The following CDK5RAP2 variants were observed in gnomAD, a reference collection of about 807,000 sequenced individuals.
The protein encoded by CDK5RAP2 is CDK5 regulatory subunit associated protein 2.
In CDK5RAP2, 147 loss-of-function variants were observed where a neutral mutation model predicts 232.9. The ratio of observed to expected loss-of-function variants is 0.63; its 90% CI spans 0.55 to 0.72. The LOEUF (loss-of-function observed/expected upper bound fraction) is 0.72, where lower values mean the gene tolerates loss of function less well. Ranked by LOEUF, CDK5RAP2 falls within the 30% of genes least tolerant of loss-of-function variation. CDK5RAP2 has a pLI of 0.00. For missense variants in CDK5RAP2, 2,195 were observed against 2,231.5 expected, an observed-to-expected ratio of 0.98 and a Z score of 0.33; for synonymous variants, 833 against 833.7, an observed-to-expected ratio of 1.00 and a Z score of 0.01.
intron 36 of CDK5RAP2, among the ~76,000 whole-genome samples, chr9:120,392,922 C>A (rs1014789102): frequency 2.6e-5 from 4 of 152,202 alleles, no homozygotes; most frequent in Admixed American, 2.6e-4. Context: ...TTGTAATACA[C>A]GCATGGACCC....
intron 5 of CDK5RAP2, among the ~76,000 whole-genome samples, chr9:120,540,629 G>C (rs530246845): frequency 4.6e-5 from 7 of 152,352 alleles, no homozygotes; most frequent in African/African-American, 1.7e-4. Context: ...GGGCTCTGAA[G>C]CTGGACAGAT....
intron 34 of CDK5RAP2, among the ~76,000 whole-genome samples, chr9:120,402,332 A>C (rs2033099317): frequency 6.6e-6 from 1 of 152,194 alleles, no homozygotes; most frequent in Non-Finnish European, 1.5e-5. Context: ...CAAAACCTCA[A>C]CAAAAACAAA....
At chr9:120,457,541 G>T (rs2036848937) in intron 20 of CDK5RAP2, among the ~76,000 whole-genome samples, 1 of 152,210 alleles carries the variant, frequency 6.6e-6, no homozygotes. Context: ...ATATTGGACA[G>T]ATGTCAGGGA....
chr9:120,578,692 G>A (rs1031140009), intron 1 of CDK5RAP2, among the ~76,000 whole-genome samples: 2 of 151,200 alleles, frequency 1.3e-5, no homozygotes, highest in South Asian at 2.1e-4. Context: ...TCAGCCTCCC[G>A]AGCGGCTGGG....
intron 3 of CDK5RAP2, among the ~76,000 whole-genome samples, chr9:120,565,029 TG>T (rs1246345485): frequency 6.6e-6 from 1 of 152,160 alleles, no homozygotes; most frequent in African/African-American, 2.4e-5. Context: ...CCTCAGCTAA[TG>T]AGGATATTAG....
intron 22 of CDK5RAP2, among the ~76,000 whole-genome samples, chr9:120,444,913 T>C (rs548180058): frequency 1.1e-4 from 16 of 152,214 alleles, no homozygotes; most frequent in Non-Finnish European, 2.4e-4. Flanking sequence ...AATTAGATCA[T>C]GTACTTAGAG....
chr9:120,484,259 CAAAG>C (rs2038475023), intron 14 of CDK5RAP2, among the ~76,000 whole-genome samples: 1 of 152,130 alleles, frequency 6.6e-6, no homozygotes, highest in African/African-American at 2.4e-5. Flanking sequence ...ACATTTTCTA[CAAAG>C]AAAGAACTAC....
intron 7 of CDK5RAP2, among the ~76,000 whole-genome samples, chr9:120,531,600 G>T (rs1446505080): frequency 3.3e-5 from 5 of 151,910 alleles, no homozygotes; most frequent in African/African-American, 1.2e-4. Flanking sequence ...ACAAATGACA[G>T]TTGTTATAAT....
chr9:120,425,630 A>G (rs1278191521), intron 25 of CDK5RAP2, among the ~76,000 whole-genome samples: 1 of 152,258 alleles, frequency 6.6e-6, no homozygotes, highest in East Asian at 1.9e-4. Flanking sequence ...CATTCTGTAC[A>G]GTGCTTAAGA....
chr9:120,447,257 G>T (rs1588360519), intron 22 of CDK5RAP2, among the ~76,000 whole-genome samples: 1 of 152,236 alleles, frequency 6.6e-6, no homozygotes, highest in Middle Eastern at 3.4e-3. Context: ...CTGTGGGAGG[G>T]CCCTCTGCTT....
intron 12 of CDK5RAP2, among the ~76,000 whole-genome samples, chr9:120,496,518 T>G (rs1264525327): frequency 3.7e-5 from 4 of 108,468 alleles, no homozygotes; most frequent in Admixed American, 9.2e-5. Context: ...GGTGGGGGGG[T>G]CGGCCCCCCG....
chr9:120,541,566 T>C (rs1343603033), intron 5 of CDK5RAP2, among the ~76,000 whole-genome samples: 1 of 152,250 alleles, frequency 6.6e-6, no homozygotes, highest in Non-Finnish European at 1.5e-5. Flanking sequence ...ACAATATGAC[T>C]GCTTTCGTTT....
rs774388179 is a variant in CDK5RAP2, at chr9:120,518,459, G to A, written c.1279C>T (p.Arg427Ter). ...RLEKDLEEAH[R>*]EKSKGDCTIR... ...GTGCAGTCTCCTTTGCTCTTCTCTCGATGGGCTTCCTCCAGGTCCTTCTCC... is the reference window on the plus strand; with the variant it reads ...GTGCAGTCTCCTTTGCTCTTCTCTCAATGGGCTTCCTCCAGGTCCTTCTCC... The change falls in exon 12 of 38, where the codon CGA (arginine) becomes TGA (stop). Residue 427 changes from arginine (R) to a stop codon, truncating the protein, a stop_gained. Transcript: ENST00000349780. LOFTEE classifies it high-confidence loss of function. The A allele has an allele frequency of 2.5e-6, 4 of 1,613,550 alleles. No homozygotes were observed. The highest frequency in any genetic ancestry group is 1.1e-5 in the South Asian group (1 of 91,012).
At chr9:120,552,197 G>T (rs370648767) in intron 3 of CDK5RAP2, among the ~76,000 whole-genome samples, 1 of 151,842 alleles carries the variant, frequency 6.6e-6, no homozygotes, top group Non-Finnish European at 1.5e-5. Context: ...GAAACAACAG[G>T]TGCTGGAGAG....
intron 13 of CDK5RAP2, among the ~76,000 whole-genome samples, chr9:120,487,903 C>T (rs775619371): frequency 8.5e-5 from 13 of 152,202 alleles, no homozygotes; most frequent in African/African-American, 1.2e-4. Context: ...TTTGATAAAA[C>T]TTGAACTGTC....
intron 11 of CDK5RAP2, among the ~76,000 whole-genome samples, chr9:120,520,756 T>TCA (rs1186108411): frequency 2.5e-5 from 3 of 119,492 alleles, no homozygotes. Context: ...ATCTCATATC[T>TCA]CATGAGATAT....
chr9:120,445,480 C>CT (rs2036135860), intron 22 of CDK5RAP2, among the ~76,000 whole-genome samples: 1 of 152,184 alleles, frequency 6.6e-6, no homozygotes, highest in Admixed American at 6.5e-5. Context: ...CAATCTCTCT[C>CT]CTCCATTCTC....
At chr9:120,577,863 C>A (rs1236158369) in intron 1 of CDK5RAP2, among the ~76,000 whole-genome samples, 1 of 152,136 alleles carries the variant, frequency 6.6e-6, no homozygotes, top group Non-Finnish European at 1.5e-5. Context: ...GGCCAAAAAG[C>A]ACTGAAATAA....
chr9:120,574,075 G>A (rs2042947389), intron 1 of CDK5RAP2, among the ~76,000 whole-genome samples: 1 of 152,172 alleles, frequency 6.6e-6, no homozygotes, highest in African/African-American at 2.4e-5. Flanking sequence ...AAAGTACCTA[G>A]CAAACAAAGC....
Sources: allele counts gnomAD v4.1 joint callset (sites outside exome capture counted in the v4.1 genomes callset), GRCh38; gene constraint gnomAD v4.1.1; transcripts MANE v1.5; gene names NCBI Gene and HGNC (gene_info 2026-07-23, HGNC 2026-07-21).